Variants in PARD3B observed in about 807,000 individuals in gnomAD.
The protein encoded by PARD3B is par-3 family cell polarity regulator beta.
In PARD3B, 103 loss-of-function variants were observed where a neutral mutation model predicts 130.2. The observed-to-expected ratio is 0.79, with a 90% CI of 0.67 to 0.93. The LOEUF (loss-of-function observed/expected upper bound fraction) is 0.93. Among genes scored for constraint, PARD3B ranks in the 40% least tolerant of loss-of-function variants. The pLI is 0.00. For missense variants in PARD3B, 1,609 were observed against 1,499.2 expected (o/e 1.07, Z -1.21); for synonymous variants, 583 against 553.2 (o/e 1.05, Z -0.76).
chr2:205,137,032 A>T (rs921770392), intron 10 of PARD3B, among the ~76,000 whole-genome samples: 2 of 152,218 alleles, frequency 1.3e-5, no homozygotes, highest in Non-Finnish European at 2.9e-5. Context: ...GAGTTCATAG[A>T]TAATGCTAAG....
intron 13 of PARD3B, among the ~76,000 whole-genome samples, chr2:205,182,126 A>C (rs1039700049): frequency 1.3e-5 from 2 of 152,126 alleles, no homozygotes; most frequent in African/African-American, 4.8e-5. Flanking sequence ...TCCCTTCTCT[A>C]CTTAAAATAC....
intron 2 of PARD3B, among the ~76,000 whole-genome samples, chr2:204,964,024 T>C (rs1293172359): frequency 6.6e-6 from 1 of 152,270 alleles, no homozygotes; most frequent in Non-Finnish European, 1.5e-5. Context: ...TGCATTTCTG[T>C]TATTAATAAT....
At chr2:205,209,938 T>TTAAGGGG (rs1265221524) in intron 15 of PARD3B, among the ~76,000 whole-genome samples, 1 of 152,098 alleles carries the variant, frequency 6.6e-6, no homozygotes, top group Non-Finnish European at 1.5e-5. Context: ...GGATAAATGT[T>TTAAGGGG]TAAGGGGATG....
At chr2:205,580,352 C>G (rs933011752) in intron 22 of PARD3B, among the ~76,000 whole-genome samples, 2 of 152,298 alleles carry the variant, frequency 1.3e-5, no homozygotes, top group African/African-American at 4.8e-5. Flanking sequence ...GGTCCAATCT[C>G]TCGCTATCAT....
chr2:205,362,760 G>A (rs1427729226), intron 18 of PARD3B, among the ~76,000 whole-genome samples: 1 of 152,198 alleles, frequency 6.6e-6, no homozygotes, highest in Non-Finnish European at 1.5e-5. Flanking sequence ...TTGGCAATGA[G>A]AAAATGAAGG....
At chr2:204,883,455 A>ATATATATTTTTTTT (rs1377428928) in intron 2 of PARD3B, among the ~76,000 whole-genome samples, 7 of 77,270 alleles carry the variant, frequency 9.1e-5, no homozygotes, top group African/African-American at 3.3e-4. Context: ...ATATATATAT[A>ATATATATTTTTTTT]TTTTTTTTTT....
intron 22 of PARD3B, among the ~76,000 whole-genome samples, chr2:205,577,121 A>G (rs537083434): frequency 1.3e-4 from 20 of 152,244 alleles, no homozygotes; most frequent in Non-Finnish European, 2.6e-4. Flanking sequence ...AAAATGATTG[A>G]CTTTTGTATA....
intron 2 of PARD3B, among the ~76,000 whole-genome samples, chr2:204,940,476 GTT>G (rs11314705): frequency 1.4e-4 from 20 of 145,558 alleles, no homozygotes; most frequent in African/African-American, 3.3e-4. Context: ...TAACTTGAGA[GTT>G]TTTTTTTTTT....
intron 11 of PARD3B, among the ~76,000 whole-genome samples, chr2:205,171,423 T>C (rs2035167075): frequency 6.6e-6 from 1 of 152,174 alleles, no homozygotes; most frequent in Non-Finnish European, 1.5e-5. Flanking sequence ...TGGCTGGAGA[T>C]GGTCAGTGCC....
chr2:204,627,818 A>G (rs2034538638), intron 1 of PARD3B, among the ~76,000 whole-genome samples: 1 of 152,072 alleles, frequency 6.6e-6, no homozygotes, highest in South Asian at 2.1e-4. Context: ...CTACTCTTTC[A>G]TCATTTGTAT....
intron 20 of PARD3B, among the ~76,000 whole-genome samples, chr2:205,483,640 C>T (rs981067028): frequency 6.6e-6 from 1 of 151,968 alleles, no homozygotes; most frequent in Non-Finnish European, 1.5e-5. Flanking sequence ...ATTTTGGACA[C>T]GGTATTAAAA....
At chr2:205,498,253 G>A (rs953086393) in intron 20 of PARD3B, among the ~76,000 whole-genome samples, 3 of 148,828 alleles carry the variant, frequency 2.0e-5, no homozygotes, top group African/African-American at 5.0e-5. Flanking sequence ...TGTAATCCCA[G>A]TACTTTGGGA....
intron 2 of PARD3B, among the ~76,000 whole-genome samples, chr2:204,824,004 G>C (rs905613873): frequency 1.3e-5 from 2 of 151,846 alleles, no homozygotes; most frequent in African/African-American, 4.8e-5. Flanking sequence ...AAATGAAACA[G>C]CTATAAGAGG....
At chr2:204,645,448 G>A (rs921601840) in intron 1 of PARD3B, among the ~76,000 whole-genome samples, 1 of 152,056 alleles carries the variant, frequency 6.6e-6, no homozygotes, top group African/African-American at 2.4e-5. Context: ...TTAATTATGT[G>A]AAGAAAAAAA....
chr2:205,137,593 T>C (rs1199414265), intron 10 of PARD3B, among the ~76,000 whole-genome samples: 1 of 152,264 alleles, frequency 6.6e-6, no homozygotes, highest in Non-Finnish European at 1.5e-5. Context: ...AATTATGTTT[T>C]ATTATTTCTC....
At chr2:205,237,190 C>T (rs914965711) in intron 15 of PARD3B, among the ~76,000 whole-genome samples, 1 of 152,196 alleles carries the variant, frequency 6.6e-6, no homozygotes, top group Non-Finnish European at 1.5e-5. Context: ...ACCTCCGCCT[C>T]CCAGGTTCAA....
chr2:205,317,795 G>A (rs1559654847), intron 18 of PARD3B, among the ~76,000 whole-genome samples: 1 of 151,958 alleles, frequency 6.6e-6, no homozygotes, highest in African/African-American at 2.4e-5. Flanking sequence ...TGAAAGAGTG[G>A]ACAGTATAAA....
intron 3 of PARD3B, among the ~76,000 whole-genome samples, chr2:204,990,298 T>G (rs1232020165): frequency 6.6e-6 from 1 of 152,138 alleles, no homozygotes. Context: ...TACGTATTTT[T>G]GGAGTACATG....
At chr2:205,045,120 T>G (rs1249747741) in intron 3 of PARD3B, among the ~76,000 whole-genome samples, 1 of 151,540 alleles carries the variant, frequency 6.6e-6, no homozygotes, top group African/African-American at 2.4e-5. Context: ...AAGTTTTTTT[T>G]TTTTTTTTAT....
Sources: allele counts gnomAD v4.1 joint callset (sites outside exome capture counted in the v4.1 genomes callset), GRCh38; gene constraint gnomAD v4.1.1; transcripts MANE v1.5; gene names NCBI Gene and HGNC (gene_info 2026-07-23, HGNC 2026-07-21).